The following ASH1L variants were observed in gnomAD, a reference collection of about 807,000 sequenced individuals.
The protein encoded by ASH1L is histone-lysine N-methyltransferase ASH1L.
A neutral mutation model predicts 269.0 loss-of-function variants in ASH1L; 23 were observed. The ratio of observed to expected loss-of-function variants is 0.09; its 90% confidence interval spans 0.06 to 0.12. The LOEUF (loss-of-function observed/expected upper bound fraction) is 0.12. Among genes scored for constraint, ASH1L ranks in the 10% least tolerant of loss-of-function variants. The pLI, the probability that ASH1L is intolerant of heterozygous loss-of-function variation, is 1.00. For synonymous variants in ASH1L, 1,187 were observed against 1,253.5 expected, an observed-to-expected ratio of 0.95 and a Z score of 1.12; for missense variants, 2,912 against 3,567.8, an observed-to-expected ratio of 0.82 and a Z score of 4.68.
At chr1:155,429,921 T>C (rs1455244366) in intron 5 of ASH1L, among the ~76,000 whole-genome samples, 1 of 151,924 alleles carries the variant, frequency 6.6e-6, no homozygotes, top group Non-Finnish European at 1.5e-5. Context: ...CCTTAACACC[T>C]CAGCCTCCCT....
intron 3 of ASH1L, among the ~76,000 whole-genome samples, chr1:155,470,567 T>TC (rs1413224143): frequency 2.0e-5 from 3 of 151,444 alleles, no homozygotes; most frequent in South Asian, 4.2e-4. Context: ...TTTTTTTTTT[T>TC]CTGAGACAGA....
intron 10 of ASH1L, 141 bp from the exon 11 acceptor site, chr1:155,371,124 A>G (rs1368886617): frequency 1.4e-6 from 1 of 735,352 alleles, no homozygotes; most frequent in Non-Finnish European, 2.2e-6. Flanking sequence ...ACTAAGATTA[A>G]AATAATAAAT....
At chr1:155,435,065 T>C (rs1426789823) in intron 5 of ASH1L, among the ~76,000 whole-genome samples, 1 of 148,444 alleles carries the variant, frequency 6.7e-6, no homozygotes, top group Non-Finnish European at 1.5e-5. Context: ...GGCTGAGGCA[T>C]GAGAATCACT....
chr1:155,383,432 T>C lies in ASH1L; in HGVS notation c.6104-3316A>G, dbSNP rs375032506. Among the ~76,000 whole-genome samples, 186 of 152,316 alleles carry C rather than the reference T, an allele frequency of 1.2e-3. 7 individuals carry two copies. The South Asian group carries it at 0.036, about 30-fold the overall frequency. Reference sequence around the variant, plus strand: ...ATTTTTTATCCTTTATATTGTATTTTTACTGTACCTTTTCTACATTTAGAT... The same window carrying C: ...ATTTTTTATCCTTTATATTGTATTTCTACTGTACCTTTTCTACATTTAGAT... On this transcript the variant is annotated intron_variant, in intron 7 of 27. Coordinates refer to ENST00000392403, the MANE Select transcript of ASH1L (RefSeq NM_018489.3).
At chr1:155,446,232 C>T (rs530699096) in intron 4 of ASH1L, among the ~76,000 whole-genome samples, 2 of 150,678 alleles carry the variant, frequency 1.3e-5, no homozygotes, top group East Asian at 3.9e-4. Flanking sequence ...CTAAATTTAT[C>T]GTTAAGACTT....
chr1:155,484,575 T>C (rs901812867), intron 2 of ASH1L, among the ~76,000 whole-genome samples: 2 of 152,104 alleles, frequency 1.3e-5, no homozygotes, highest in Non-Finnish European at 2.9e-5. Flanking sequence ...TGAATTACTA[T>C]AAAACACAAT....
chr1:155,473,531 C>T (rs932952917), intron 3 of ASH1L, among the ~76,000 whole-genome samples: 5 of 149,022 alleles, frequency 3.4e-5, no homozygotes, highest in Admixed American at 2.0e-4. Flanking sequence ...ATCACTCTGC[C>T]AGCCCAGGCT....
chr1:155,337,964 C>T (rs1652451732), intron 27 of ASH1L, 125 bp downstream of exon 27: 1 of 1,140,852 alleles, frequency 8.8e-7, no homozygotes, highest in Non-Finnish European at 1.2e-6. Context: ...AAAAGCAAGC[C>T]TATAAAAGAA....
chr1:155,481,570 C>T lies in ASH1L; in HGVS notation c.1300G>A (p.Glu434Lys), dbSNP rs1665967107. 6.2e-7 allele frequency: 1 copy of T among 1,614,008 alleles called. No individual in the cohort carries two copies. The highest frequency in any genetic ancestry group is 1.7e-5 in the Admixed American group (1 of 59,998). Residue 434 changes from glutamate to lysine, a missense_variant, in exon 3 of 28, where the codon GAA becomes AAA. Coordinates refer to ENST00000392403, the MANE Select transcript of ASH1L (RefSeq NM_018489.3). The part of the protein sequence containing the change: ...LKAEALLPTQ[E>K]PLKASCSTNI... ...GTACTACAAGAAGCCTTAAGCGGTT[C>T]CTGAGTGGGGAGCAGTGCTTCGGCT...
At chr1:155,387,194 G>A (rs528886553) in intron 7 of ASH1L, among the ~76,000 whole-genome samples, 11 of 151,810 alleles carry the variant, frequency 7.2e-5, no homozygotes, top group Admixed American at 3.9e-4. Context: ...GGCTGGTCTC[G>A]AACTGCTGGC....
Position 155,370,762 on chromosome 1 carries a change from C to T in ASH1L, c.6539+15G>A, listed in dbSNP as rs1050484592. 2 of 1,614,118 alleles carry T rather than the reference C, an allele frequency of 1.2e-6. No individual in the cohort carries two copies. The highest frequency in any genetic ancestry group is 1.7e-6 in the Non-Finnish European group (2 of 1,179,962). On this transcript the variant is annotated intron_variant, in intron 11 of 27. Transcript: ENST00000392403. ...CCTTGGCATTTTATTAGAGTATCAT[C>T]ATTTACCACCGTACCTGAACTCCTG...
rs112475031 is a variant in ASH1L, at chr1:155,516,881, C to T, written c.420+4219G>A. On this transcript the variant is annotated intron_variant, in intron 2 of 27. Transcript: ENST00000392403. ...CAATAGCATCAAAAAATAAAATACA[C>T]AGGAATAAATTTAAGGAGGTGAAAG... Among the ~76,000 whole-genome samples the T allele has an allele frequency of 7.0e-3, 1,069 of 151,980 alleles. 8 individuals are homozygous for T. The highest frequency in any genetic ancestry group is 0.024 in the African/African-American group (1,014 of 41,464).
intron 2 of ASH1L, among the ~76,000 whole-genome samples, chr1:155,492,448 T>C (rs1666874327): frequency 6.6e-6 from 1 of 152,216 alleles, no homozygotes; most frequent in Non-Finnish European, 1.5e-5. Flanking sequence ...TTATTTGCCA[T>C]GTTAAATTCT....
At chr1:155,454,114 G>C (rs1043064812) in intron 4 of ASH1L, among the ~76,000 whole-genome samples, 2 of 152,090 alleles carry the variant, frequency 1.3e-5, no homozygotes, top group African/African-American at 4.8e-5. Context: ...CAAAAAATAA[G>C]AGAAGTTACC....
chr1:155,494,190 A>G (rs1161238723), intron 2 of ASH1L, among the ~76,000 whole-genome samples: 1 of 152,194 alleles, frequency 6.6e-6, no homozygotes, highest in Non-Finnish European at 1.5e-5. Flanking sequence ...TGAAAGACAA[A>G]GATGGATCCA....
chr1:155,550,918 G>A (rs984644082), intron 1 of ASH1L, among the ~76,000 whole-genome samples: 5 of 152,010 alleles, frequency 3.3e-5, no homozygotes, highest in Non-Finnish European at 7.4e-5. Flanking sequence ...CGACCTCCTG[G>A]GCTCAAGAAA....
At chr1:155,473,587 C>G (rs904355605) in intron 3 of ASH1L, among the ~76,000 whole-genome samples, 1 of 150,532 alleles carries the variant, frequency 6.6e-6, no homozygotes, top group Non-Finnish European at 1.5e-5. Flanking sequence ...GCCTTGAACT[C>G]CCGGGCTCAA....
At chr1:155,519,565 T>G (rs979562242) in intron 2 of ASH1L, among the ~76,000 whole-genome samples, 2 of 152,190 alleles carry the variant, frequency 1.3e-5, no homozygotes, top group African/African-American at 4.8e-5. Context: ...TTCTGGTAAA[T>G]GAAATAAGCC....
chr1:155,557,440 T>TG (rs903147262), intron 1 of ASH1L, among the ~76,000 whole-genome samples: 6 of 151,642 alleles, frequency 4.0e-5, no homozygotes, highest in Admixed American at 6.6e-5. Flanking sequence ...TTTTGTTTTT[T>TG]GGGTTTTTTT....
Sources: allele counts gnomAD v4.1 joint callset (sites outside exome capture counted in the v4.1 genomes callset), GRCh38; gene constraint gnomAD v4.1.1; transcripts MANE v1.5; gene names NCBI Gene and HGNC (gene_info 2026-07-23, HGNC 2026-07-21).